The following PRKCQ variants were observed in gnomAD, a reference collection of about 807,000 sequenced individuals.
The protein encoded by PRKCQ is protein kinase C theta.
Under a neutral mutation model 91.2 loss-of-function variants are expected in PRKCQ, and 41 were observed. The observed-to-expected ratio is 0.45, with a 90% CI of 0.35 to 0.58. The LOEUF (loss-of-function observed/expected upper bound fraction) is 0.58. PRKCQ is among the 20% of genes least tolerant of loss of function. The pLI, the probability that PRKCQ is intolerant of heterozygous loss-of-function variation, is 0.00. For missense variants in PRKCQ, 673 were observed against 896.5 expected (o/e 0.75, Z 3.18); for synonymous variants, 307 against 316.9 (o/e 0.97, Z 0.33).
intron 3 of PRKCQ, among the ~76,000 whole-genome samples, chr10:6,508,413 T>C (rs1257745777): frequency 6.6e-6 from 1 of 152,226 alleles, no homozygotes; most frequent in Non-Finnish European, 1.5e-5. Flanking sequence ...ATCTGAATCG[T>C]GGCTAAATAA....
At chr10:6,511,281 T>A (rs1339418100) in intron 2 of PRKCQ, 87 bp from the exon 3 acceptor site, 53 of 1,229,534 alleles carry the variant, frequency 4.3e-5, no homozygotes, top group Non-Finnish European at 6.3e-5. Context: ...ACCTGCTCCC[T>A]CTGTTCTCTG....
At chr10:6,490,215 C>A (rs1295597342) in intron 8 of PRKCQ, among the ~76,000 whole-genome samples, 1 of 152,008 alleles carries the variant, frequency 6.6e-6, no homozygotes, top group African/African-American at 2.4e-5. Flanking sequence ...GAAAACCTAA[C>A]CCCTCCTGCC....
intron 1 of PRKCQ, among the ~76,000 whole-genome samples, chr10:6,527,295 A>G (rs947320718): frequency 6.6e-6 from 1 of 152,180 alleles, no homozygotes; most frequent in Non-Finnish European, 1.5e-5. Flanking sequence ...ATGGGACTAG[A>G]TATTTGAGGT....
intron 1 of PRKCQ, among the ~76,000 whole-genome samples, chr10:6,572,892 C>T: frequency 6.6e-6 from 1 of 152,100 alleles, no homozygotes; most frequent in Non-Finnish European, 1.5e-5. Context: ...ACTTTGCCAG[C>T]ACCTGTTGTT....
chr10:6,433,731 G>A (rs1467833173), intron 16 of PRKCQ, among the ~76,000 whole-genome samples: 1 of 152,046 alleles, frequency 6.6e-6, no homozygotes, highest in Non-Finnish European at 1.5e-5. Context: ...GCTGATTGAT[G>A]TTTTAGAAGC....
intron 8 of PRKCQ, among the ~76,000 whole-genome samples, chr10:6,490,067 T>C (rs547404339): frequency 6.6e-6 from 1 of 152,188 alleles, no homozygotes; most frequent in East Asian, 1.9e-4. Flanking sequence ...GACCTCCTAA[T>C]GAACTCTTAA....
chr10:6,408,152 T>C, the PRKCQ span, among the ~76,000 whole-genome samples: 1 of 151,626 alleles, frequency 6.6e-6, no homozygotes, highest in Admixed American at 6.6e-5. Context: ...ATTGGACCTA[T>C]AGTTTTATCT....
chr10:6,545,748 C>A (rs1033816058), intron 1 of PRKCQ, among the ~76,000 whole-genome samples: 1 of 152,182 alleles, frequency 6.6e-6, no homozygotes, highest in Admixed American at 6.5e-5. Context: ...CACGGTGGCT[C>A]ATGCCTGCAA....
chr10:6,404,514 C>CTCT, the PRKCQ span, among the ~76,000 whole-genome samples: 1 of 136,540 alleles, frequency 7.3e-6, no homozygotes. Flanking sequence ...TCTGTCTCTC[C>CTCT]TTCCTCCCTC....
chr10:6,578,157 G>A (rs1200317666), intron 1 of PRKCQ, among the ~76,000 whole-genome samples: 1 of 152,198 alleles, frequency 6.6e-6, no homozygotes, highest in Non-Finnish European at 1.5e-5. Flanking sequence ...AAGGAGCTGA[G>A]GTGTGAATAA....
chr10:6,501,542 CT>C (rs1252018227), intron 4 of PRKCQ, among the ~76,000 whole-genome samples: 9 of 151,964 alleles, frequency 5.9e-5, no homozygotes, highest in African/African-American at 2.2e-4. Context: ...AGGGTCTCGG[CT>C]GGGCGTGGTA....
At chr10:6,439,798 T>C (rs1833876054) in intron 16 of PRKCQ, among the ~76,000 whole-genome samples, 1 of 152,176 alleles carries the variant, frequency 6.6e-6, no homozygotes. Flanking sequence ...TGGTCAACAG[T>C]AGGTTATTGG....
intron 1 of PRKCQ, among the ~76,000 whole-genome samples, chr10:6,553,180 C>A (rs1840255590): frequency 6.6e-6 from 1 of 152,112 alleles, no homozygotes; most frequent in Non-Finnish European, 1.5e-5. Flanking sequence ...TTTGCAAACT[C>A]CCTGAAAAGG....
At chr10:6,496,216 C>CAAAAAAAAAAAAAAAAAAAAAAAAA (rs199934718) in intron 7 of PRKCQ, among the ~76,000 whole-genome samples, 1 of 94,230 alleles carries the variant, frequency 1.1e-5, no homozygotes. Flanking sequence ...GATTCCATCT[C>CAAAAAAAAAAAAAAAAAAAAAAAAA]AAAAAAAAAA....
intron 1 of PRKCQ, among the ~76,000 whole-genome samples, chr10:6,575,039 A>G (rs1418889507): frequency 6.6e-6 from 1 of 152,246 alleles, no homozygotes; most frequent in Non-Finnish European, 1.5e-5. Context: ...CTGGGGACAC[A>G]TGTAGGGACA....
chr10:6,437,575 A>T (rs566049545), intron 16 of PRKCQ, among the ~76,000 whole-genome samples: 79 of 152,350 alleles, frequency 5.2e-4, no homozygotes, highest in African/African-American at 1.8e-3. Context: ...CAAATGTAGC[A>T]ATTGTAATAG....
Position 6,488,962 on chromosome 10 carries a change from C to T in PRKCQ, c.790+2721G>A, listed in dbSNP as rs954823572. 5.3e-5 allele frequency among the ~76,000 whole-genome samples: 8 copies of T among 151,708 alleles called. No individual in the cohort carries two copies. The South Asian group carries it at 1.0e-3, about 20-fold the overall frequency. Reference sequence around the variant, plus strand: ...ACACCCGACTAATTTTTTTATTTTTCGTAGAGATGGGGGTCTCACTTTGTT... The same window carrying T: ...ACACCCGACTAATTTTTTTATTTTTTGTAGAGATGGGGGTCTCACTTTGTT... On this transcript the variant is annotated intron_variant, in intron 8 of 17. Coordinates refer to ENST00000263125, the MANE Select transcript of PRKCQ (RefSeq NM_006257.5).
chr10:6,425,318 G>A (rs1325663505), downstream of PRKCQ, among the ~76,000 whole-genome samples: 5 of 150,336 alleles, frequency 3.3e-5, no homozygotes, highest in South Asian at 2.1e-4. Context: ...TCCGCCTCCC[G>A]AGTTCAAGCG....
intron 1 of PRKCQ, among the ~76,000 whole-genome samples, chr10:6,523,527 A>C (rs1214154444): frequency 1.3e-5 from 2 of 152,166 alleles, no homozygotes; most frequent in Admixed American, 6.5e-5. Flanking sequence ...TGACAAAGGA[A>C]ACCGAAGGCT....
Sources: allele counts gnomAD v4.1 joint callset (sites outside exome capture counted in the v4.1 genomes callset), GRCh38; gene constraint gnomAD v4.1.1; transcripts MANE v1.5; gene names NCBI Gene and HGNC (gene_info 2026-07-23, HGNC 2026-07-21).